PPP1R12B: variants seen among roughly 807,000 people sequenced by gnomAD.
PPP1R12B encodes the protein protein phosphatase 1 regulatory subunit 12B.
PPP1R12B carries 76 observed loss-of-function variants against 126.1 expected under a neutral mutation model. The observed-to-expected ratio is 0.60, with a 90% CI of 0.50 to 0.73. PPP1R12B has a LOEUF of 0.73. PPP1R12B is among the 30% of genes least tolerant of loss of function. The probability of loss-of-function intolerance (pLI) is 0.00; values close to 1 mark genes in which losing one functional copy is unlikely to be tolerated. For missense variants in PPP1R12B, 1,052 were observed against 1,205.1 expected (o/e 0.87, Z 1.88); for synonymous variants, 356 against 434.7 (o/e 0.82, Z 2.25).
At chr1:202,464,442 C>A (rs967515139) in intron 13 of PPP1R12B, among the ~76,000 whole-genome samples, 1 of 152,118 alleles carries the variant, frequency 6.6e-6, no homozygotes, top group African/African-American at 2.4e-5. Context: ...TGGATGAGTT[C>A]GCAGATGAGC....
chr1:202,516,435 G>A (rs988142638), intron 18 of PPP1R12B, among the ~76,000 whole-genome samples: 3 of 152,174 alleles, frequency 2.0e-5, no homozygotes, highest in African/African-American at 7.2e-5. Flanking sequence ...TATCTCGTAG[G>A]TTTGCCAGTA....
At chr1:202,403,105 G>A (rs1666088610) in intron 1 of PPP1R12B, among the ~76,000 whole-genome samples, 1 of 152,046 alleles carries the variant, frequency 6.6e-6, no homozygotes, top group Admixed American at 6.6e-5. Context: ...AAAGGGGATG[G>A]GCAGGTAATA....
At chr1:202,405,439 G>A (rs1315138413) in intron 1 of PPP1R12B, among the ~76,000 whole-genome samples, 3 of 152,076 alleles carry the variant, frequency 2.0e-5, no homozygotes, top group Non-Finnish European at 4.4e-5. Flanking sequence ...CTATATTTAT[G>A]TTTAAGTATA....
At chr1:202,523,324 AGAAAG>A (rs1400409103) in intron 18 of PPP1R12B, among the ~76,000 whole-genome samples, 1 of 152,242 alleles carries the variant, frequency 6.6e-6, no homozygotes. Context: ...AAAAAAAACT[AGAAAG>A]GAGAATTGAA....
intron 1 of PPP1R12B, among the ~76,000 whole-genome samples, chr1:202,390,997 C>G (rs575995893): frequency 3.3e-5 from 5 of 152,084 alleles, no homozygotes; most frequent in African/African-American, 7.2e-5. Flanking sequence ...CTGGAAGCAT[C>G]GCTTGCAGTG....
At chr1:202,398,046 G>A (rs1665256314) in intron 1 of PPP1R12B, among the ~76,000 whole-genome samples, 3 of 152,140 alleles carry the variant, frequency 2.0e-5, no homozygotes, top group Non-Finnish European at 1.5e-5. Context: ...CGAGTAGCTG[G>A]ACTACAGGTG....
At chr1:202,349,857 A>G (rs1655619053) in intron 1 of PPP1R12B, among the ~76,000 whole-genome samples, 1 of 152,178 alleles carries the variant, frequency 6.6e-6, no homozygotes, top group Middle Eastern at 3.4e-3. Context: ...TAGAAATCCC[A>G]TGCCCCATGT....
At chr1:202,383,874 A>G (rs1010649339) in intron 1 of PPP1R12B, among the ~76,000 whole-genome samples, 5 of 152,240 alleles carry the variant, frequency 3.3e-5, no homozygotes, top group African/African-American at 9.6e-5. Context: ...GTATGATTAT[A>G]CCAAAATTTA....
intron 12 of PPP1R12B, among the ~76,000 whole-genome samples, chr1:202,446,257 T>TATA (rs1491304391): frequency 9.5e-5 from 2 of 20,948 alleles, no homozygotes; most frequent in East Asian, 2.2e-3. Context: ...TATATATATA[T>TATA]TTTTTTTTTT....
chr1:202,392,319 A>G (rs1230001772), intron 1 of PPP1R12B, among the ~76,000 whole-genome samples: 2 of 152,214 alleles, frequency 1.3e-5, no homozygotes, highest in African/African-American at 4.8e-5. Flanking sequence ...ATACTGATTC[A>G]TGCTACAGTT....
intron 18 of PPP1R12B, among the ~76,000 whole-genome samples, chr1:202,518,301 A>G (rs557665953): frequency 9.8e-4 from 150 of 152,330 alleles, no homozygotes; most frequent in African/African-American, 3.3e-3. Flanking sequence ...TCGTTTAGCT[A>G]TTTATAATAG....
intron 11 of PPP1R12B, among the ~76,000 whole-genome samples, chr1:202,441,041 T>C (rs753090520): frequency 6.6e-6 from 1 of 152,196 alleles, no homozygotes; most frequent in Non-Finnish European, 1.5e-5. Context: ...CACACATGCA[T>C]TAGTTTTATT....
chr1:202,463,466 A>G (rs1674577244), intron 13 of PPP1R12B, among the ~76,000 whole-genome samples: 1 of 152,158 alleles, frequency 6.6e-6, no homozygotes, highest in Non-Finnish European at 1.5e-5. Flanking sequence ...TGTTTGCCTT[A>G]AATATTATAT....
chr1:202,422,834 A>G (rs1032556602), intron 3 of PPP1R12B, 96 bp downstream of exon 3: 11 of 1,548,616 alleles, frequency 7.1e-6, no homozygotes, highest in African/African-American at 2.7e-5. Context: ...TCACTATCAC[A>G]TGACAGGAGA....
chr1:202,553,972 A>C (rs1180323470), intron 18 of PPP1R12B, among the ~76,000 whole-genome samples: 2 of 152,154 alleles, frequency 1.3e-5, no homozygotes, highest in African/African-American at 4.8e-5. Flanking sequence ...TGTTAGTCTA[A>C]CAGTTGATTT....
At chr1:202,467,307 T>C (rs1383138782) in intron 13 of PPP1R12B, among the ~76,000 whole-genome samples, 3 of 151,948 alleles carry the variant, frequency 2.0e-5, no homozygotes, top group Admixed American at 6.6e-5. Context: ...ATGTGCCATG[T>C]TGGTGTGCTG....
intron 13 of PPP1R12B, chr1:202,463,143 T>C: frequency 1.1e-6 from 1 of 892,696 alleles, no homozygotes; most frequent in Non-Finnish European, 1.3e-6. Flanking sequence ...GATGCATGTT[T>C]CTTTGGGAAA....
At chr1:202,576,862 C>G (rs1340836181) in intron 23 of PPP1R12B, 2 of 151,268 alleles carry the variant, frequency 1.3e-5, no homozygotes, top group Non-Finnish European at 2.9e-5. Flanking sequence ...AAATAACTTG[C>G]CCAAGGTCAC....
chr1:202,363,746 G>A (rs1463875121), intron 1 of PPP1R12B, among the ~76,000 whole-genome samples: 4 of 152,110 alleles, frequency 2.6e-5, no homozygotes, highest in Non-Finnish European at 4.4e-5. Flanking sequence ...TGACCCACCT[G>A]TGCCATTTTA....
Sources: gnomAD v4.1 joint callset for allele counts (sites outside exome capture counted in the v4.1 genomes callset) on GRCh38, gnomAD v4.1.1 for gene constraint, MANE v1.5 for transcripts, NCBI Gene and HGNC (gene_info 2026-07-23, HGNC 2026-07-21) for gene names.